The following TTBK2 variants were observed in gnomAD, a reference collection of about 807,000 sequenced individuals.
The protein encoded by TTBK2 is tau tubulin kinase 2.
TTBK2 carries 28 observed loss-of-function variants against 110.8 expected under a neutral mutation model. That is an observed-to-expected ratio of 0.25 (90% CI 0.19 to 0.35). TTBK2 has a LOEUF of 0.35. Among genes scored for constraint, TTBK2 ranks in the 10% least tolerant of loss-of-function variants. The pLI, the probability that TTBK2 is intolerant of heterozygous loss-of-function variation, is 1.00. For synonymous variants in TTBK2, 532 were observed against 527.3 expected, an observed-to-expected ratio of 1.01 and a Z score of -0.12; for missense variants, 1,369 against 1,500.3, an observed-to-expected ratio of 0.91 and a Z score of 1.45.
chr15:42,833,115 G>T (rs773314515), intron 4 of TTBK2, among the ~76,000 whole-genome samples: 4 of 151,236 alleles, frequency 2.6e-5, no homozygotes, highest in Non-Finnish European at 4.4e-5. Context: ...TAATACCTGG[G>T]TGATGTAATA....
At chr15:42,815,767 C>A (rs1891911718) in intron 7 of TTBK2, among the ~76,000 whole-genome samples, 1 of 148,534 alleles carries the variant, frequency 6.7e-6, no homozygotes, top group African/African-American at 2.5e-5. Context: ...ATGATGACTC[C>A]CACATTTCAT....
chr15:42,920,961 G>A (rs1336444561), upstream of TTBK2, among the ~76,000 whole-genome samples: 1 of 152,194 alleles, frequency 6.6e-6, no homozygotes, highest in African/African-American at 2.4e-5. Flanking sequence ...CGGAGAGTCG[G>A]GCAGAAACCG....
chr15:42,883,492 T>C (rs1895128922), intron 1 of TTBK2, among the ~76,000 whole-genome samples: 1 of 151,870 alleles, frequency 6.6e-6, no homozygotes, highest in South Asian at 2.1e-4. Context: ...ATGTAATATT[T>C]ATATAACATT....
chr15:42,796,108 T>C (rs1340788129), intron 9 of TTBK2, among the ~76,000 whole-genome samples: 1 of 151,896 alleles, frequency 6.6e-6, no homozygotes, highest in African/African-American at 2.4e-5. Flanking sequence ...AGCATATAGA[T>C]ATCAAGAGAT....
intron 1 of TTBK2, among the ~76,000 whole-genome samples, chr15:42,916,379 G>A (rs923090011): frequency 2.0e-5 from 3 of 152,162 alleles, no homozygotes; most frequent in Non-Finnish European, 4.4e-5. Flanking sequence ...CCAGGCTGGA[G>A]TGCAGTGGCA....
intron 6 of TTBK2, 147 bp from the exon 7 acceptor site, chr15:42,817,244 AC>A (rs1026547970): frequency 2.2e-6 from 1 of 458,144 alleles, no homozygotes; most frequent in African/African-American, 2.0e-5. Context: ...CTATGAAATT[AC>A]AAGAAACTAG....
intron 1 of TTBK2, among the ~76,000 whole-genome samples, chr15:42,896,765 A>C (rs1052533103): frequency 1.3e-5 from 2 of 152,222 alleles, no homozygotes; most frequent in African/African-American, 4.8e-5. Context: ...ACTGCACTCC[A>C]GCATGGGCAA....
Position 42,872,747 on chromosome 15 carries a change from A to G in TTBK2, c.81T>C (p.Ile27=). ...AAATTTCTCCAAAGCCCCCACCCCC[A>G]ATCTTTCTCAACTGCACAGAAAATA... ...VKERWKVLRK[I]GGGGFGEIYD... Residue 27 remains isoleucine, a synonymous_variant, in exon 3 of 15, where the codon ATT becomes ATC. Coordinates refer to ENST00000267890, the MANE Select transcript of TTBK2 (RefSeq NM_173500.4). The G allele has an allele frequency of 6.2e-7, 1 of 1,613,944 alleles. No homozygotes were observed.
chr15:42,750,162 T>C (rs571074372), intron 14 of TTBK2, among the ~76,000 whole-genome samples: 13 of 152,200 alleles, frequency 8.5e-5, no homozygotes, highest in African/African-American at 3.1e-4. Context: ...AGTTACCACA[T>C]TATTAGATTC....
chr15:42,820,996 G>A (rs1399181111), intron 6 of TTBK2, among the ~76,000 whole-genome samples: 6 of 151,724 alleles, frequency 4.0e-5, no homozygotes, highest in Admixed American at 6.6e-5. Context: ...AGCTGAGATC[G>A]TGCCACTCCA....
chr15:42,880,009 A>AG (rs1305187375), intron 1 of TTBK2, among the ~76,000 whole-genome samples: 8 of 151,802 alleles, frequency 5.3e-5, no homozygotes, highest in Non-Finnish European at 7.4e-5. Context: ...AAAAAAAAAA[A>AG]AAAAGAAAAG....
chr15:42,754,384 T>TTTTTA (rs1166983139), intron 13 of TTBK2, among the ~76,000 whole-genome samples: 18 of 151,792 alleles, frequency 1.2e-4, no homozygotes, highest in African/African-American at 2.9e-4. Context: ...CCTGGCCAAT[T>TTTTTA]TTTTATTTTA....
At chr15:42,899,156 C>T (rs955297642) in intron 1 of TTBK2, among the ~76,000 whole-genome samples, 1 of 150,724 alleles carries the variant, frequency 6.6e-6, no homozygotes, top group Non-Finnish European at 1.5e-5. Context: ...CCTTGCCTGG[C>T]TAATTTTTTT....
chr15:42,836,495 T>G (rs1163250396), intron 4 of TTBK2, among the ~76,000 whole-genome samples: 1 of 152,166 alleles, frequency 6.6e-6, no homozygotes, highest in African/African-American at 2.4e-5. Flanking sequence ...AGATGGGAGT[T>G]TAAATGGGTT....
intron 14 of TTBK2, 76 bp from the exon 15 acceptor site, chr15:42,746,333 T>C (rs1315295678): frequency 1.1e-5 from 13 of 1,143,450 alleles, no homozygotes; most frequent in Non-Finnish European, 1.6e-5. Flanking sequence ...TGTCCCAAAA[T>C]CATAATGTGA....
intron 1 of TTBK2, among the ~76,000 whole-genome samples, chr15:42,913,510 CGCCTG>C (rs375090553): frequency 4.0e-5 from 6 of 151,886 alleles, no homozygotes; most frequent in African/African-American, 1.4e-4. Context: ...TGGTGGTGGG[CGCCTG>C]TAGTCCCAGC....
chr15:42,892,811 A>G (rs1596030792), intron 1 of TTBK2, among the ~76,000 whole-genome samples: 1 of 151,612 alleles, frequency 6.6e-6, no homozygotes, highest in Non-Finnish European at 1.5e-5. Flanking sequence ...GGAGTTCAAG[A>G]CCAGCCTGGT....
At chr15:42,802,745 CA>C (rs1479852936) in intron 9 of TTBK2, among the ~76,000 whole-genome samples, 1 of 152,112 alleles carries the variant, frequency 6.6e-6, no homozygotes, top group Admixed American at 6.5e-5. Context: ...TACTGAGTGT[CA>C]AATTGACTGG....
At chr15:42,869,476 C>G (rs1446891731) in intron 3 of TTBK2, among the ~76,000 whole-genome samples, 1 of 144,012 alleles carries the variant, frequency 6.9e-6, no homozygotes, top group Non-Finnish European at 1.5e-5. Flanking sequence ...AAAAAAACAA[C>G]AAAATAATTT....
Sources: allele counts gnomAD v4.1 joint callset (sites outside exome capture counted in the v4.1 genomes callset), GRCh38; gene constraint gnomAD v4.1.1; transcripts MANE v1.5; gene names NCBI Gene and HGNC (gene_info 2026-07-23, HGNC 2026-07-21).